The following FOXP2 variants were observed in gnomAD, a reference collection of about 807,000 sequenced individuals.
The protein encoded by FOXP2 is forkhead box protein P2.
FOXP2 carries 12 observed loss-of-function variants against 115.8 expected under a neutral mutation model. The observed-to-expected ratio is 0.10, with a 90% CI of 0.07 to 0.17. The LOEUF (loss-of-function observed/expected upper bound fraction) is 0.17. Ranked by LOEUF, FOXP2 falls within the 10% of genes least tolerant of loss-of-function variation. FOXP2 has a pLI of 1.00. For synonymous variants in FOXP2, 328 were observed against 297.7 expected, an observed-to-expected ratio of 1.10 and a Z score of -1.05; for missense variants, 629 against 843.5, an observed-to-expected ratio of 0.75 and a Z score of 3.15.
At chr7:114,500,350 T>G in intron 2 of FOXP2, among the ~76,000 whole-genome samples, 1 of 152,086 alleles carries the variant, frequency 6.6e-6, no homozygotes, top group East Asian at 1.9e-4. Context: ...AGGTGAGAAT[T>G]TATGTCACCT....
intron 2 of FOXP2, among the ~76,000 whole-genome samples, chr7:114,455,275 C>T (rs1562936740): frequency 6.6e-6 from 1 of 152,158 alleles, no homozygotes; most frequent in Non-Finnish European, 1.5e-5. Context: ...CTAATGAAGC[C>T]AACTGTTGGT....
chr7:114,291,792 A>G (rs2129176586), intron 2 of FOXP2, among the ~76,000 whole-genome samples: 1 of 148,484 alleles, frequency 6.7e-6, no homozygotes, highest in Admixed American at 7.0e-5. Context: ...TAAAGCCAGC[A>G]GGAGAGCTAG....
chr7:114,253,753 C>T (rs1795518464), intron 1 of FOXP2, among the ~76,000 whole-genome samples: 3 of 152,160 alleles, frequency 2.0e-5, no homozygotes, highest in Admixed American at 2.0e-4. Flanking sequence ...TCCAATTTGT[C>T]AGTCTGTGTA....
At chr7:114,137,236 T>C (rs1584500377) in intron 1 of FOXP2, among the ~76,000 whole-genome samples, 1 of 152,104 alleles carries the variant, frequency 6.6e-6, no homozygotes, top group African/African-American at 2.4e-5. Context: ...GAGAGAATAA[T>C]ATAGTTGAAG....
At position 114,642,547 on chromosome 7, in the gene FOXP2, T is replaced by C. The variant is rs1805592599; in HGVS notation, c.913T>C (p.Ser305Pro). ...CTCCTCGACTACCTCCTCCAACACT[T>C]CCAAAGCATCACCACCAATAACTCA... ...NSSSTTSSNT[S>P]KASPPITHHS... The change falls in exon 7 of 17, where the codon TCC becomes CCC. Residue 305 changes from serine (S) to proline (P), a missense_variant. Ser to Pro is a moderately conservative substitution (Grantham distance 74). Transcript: ENST00000350908. 6.2e-7 allele frequency: 1 copy of C among 1,613,578 alleles called. No homozygotes were observed. The highest frequency in any genetic ancestry group is 8.5e-7 in the Non-Finnish European group (1 of 1,179,942).
At chr7:114,446,560 C>A (rs1794842579) in intron 2 of FOXP2, among the ~76,000 whole-genome samples, 1 of 151,804 alleles carries the variant, frequency 6.6e-6, no homozygotes, top group African/African-American at 2.4e-5. Context: ...TATATATAAT[C>A]ATTCTTTATA....
At chr7:114,541,728 A>G (rs1018375673) in intron 3 of FOXP2, among the ~76,000 whole-genome samples, 4 of 151,432 alleles carry the variant, frequency 2.6e-5, no homozygotes, top group Non-Finnish European at 4.4e-5. Context: ...CATAAATTAA[A>G]TATGGAAGAA....
chr7:114,128,591 A>AT (rs1210680003), intron 1 of FOXP2, among the ~76,000 whole-genome samples: 1 of 152,030 alleles, frequency 6.6e-6, no homozygotes, highest in Non-Finnish European at 1.5e-5. Flanking sequence ...ATAACTCACT[A>AT]GTCTGGGATC....
intron 2 of FOXP2, among the ~76,000 whole-genome samples, chr7:114,372,340 T>C (rs1414330506): frequency 1.3e-5 from 2 of 152,116 alleles, no homozygotes; most frequent in Non-Finnish European, 2.9e-5. Flanking sequence ...TTTTCATAGA[T>C]AGGGTAACTA....
At position 114,295,121 on chromosome 7, in the gene FOXP2, C is replaced by A. The variant is rs1026532242; in HGVS notation, c.-11+7012C>A. Among the ~76,000 whole-genome samples the A allele has an allele frequency of 3.3e-5, 5 of 152,184 alleles. No individual in the cohort carries two copies. The East Asian group carries it at 9.6e-4, about 29-fold the overall frequency. On this transcript the variant is annotated intron_variant, in intron 2 of 17. Transcript: ENST00000634411. ...TATCCGCTAGTAAAATTTTTGATAT[C>A]ATTATACAAAATAGAAAATATGGAT...
intron 1 of FOXP2, among the ~76,000 whole-genome samples, chr7:114,225,720 T>C (rs1421269767): frequency 1.3e-5 from 2 of 152,204 alleles, no homozygotes; most frequent in Non-Finnish European, 2.9e-5. Context: ...CCCAAAGTGC[T>C]GGGATTTCAG....
At chr7:114,602,435 A>G (rs1452848546) in intron 3 of FOXP2, among the ~76,000 whole-genome samples, 2 of 152,094 alleles carry the variant, frequency 1.3e-5, no homozygotes, top group Non-Finnish European at 2.9e-5. Flanking sequence ...ATATATAGCT[A>G]TAAGTATCTT....
chr7:114,437,642 T>C (rs1012776794), intron 2 of FOXP2, among the ~76,000 whole-genome samples: 3 of 152,202 alleles, frequency 2.0e-5, no homozygotes, highest in Non-Finnish European at 4.4e-5. Flanking sequence ...GAATTATTAC[T>C]ATTTTTACTA....
chr7:114,639,238 CT>C (rs1466793727), intron 6 of FOXP2, among the ~76,000 whole-genome samples: 1 of 152,146 alleles, frequency 6.6e-6, no homozygotes, highest in East Asian at 1.9e-4. Context: ...AGACACTGGT[CT>C]TGTATTGTAG....
In FOXP2 at chr7:114,534,726, C is replaced by T. The variant is rs754652304; in HGVS notation, c.258+20C>T. Reference sequence around the variant, plus strand: ...CTGCAGGTTAGTAAAGCACTCCTGTCCTTGGGGTCTTATTTTAAAAGATGT... The same window carrying T: ...CTGCAGGTTAGTAAAGCACTCCTGTTCTTGGGGTCTTATTTTAAAAGATGT... On this transcript the variant is annotated intron_variant, in intron 3 of 16. Coordinates refer to ENST00000350908, the MANE Select transcript of FOXP2 (RefSeq NM_014491.4). 7 of 1,581,160 alleles carry T rather than the reference C, an allele frequency of 4.4e-6. No individual in the cohort carries two copies. Among genetic ancestry groups the T allele is most frequent in the Middle Eastern group, 3.3e-4 (2 of 5,976 alleles).
intron 2 of FOXP2, among the ~76,000 whole-genome samples, chr7:114,448,886 CT>C (rs1383219867): frequency 2.0e-5 from 3 of 152,002 alleles, no homozygotes; most frequent in Non-Finnish European, 2.9e-5. Flanking sequence ...ATTGTGTATG[CT>C]GTGAAAAAAC....
intron 3 of FOXP2, among the ~76,000 whole-genome samples, chr7:114,556,659 A>G (rs1482315521): frequency 6.6e-6 from 1 of 152,236 alleles, no homozygotes; most frequent in Non-Finnish European, 1.5e-5. Context: ...AAAAGTAATT[A>G]AAGGGTTTGC....
intron 2 of FOXP2, chr7:114,462,944 TACA>T (rs1161326463): frequency 6.6e-6 from 2 of 302,288 alleles, no homozygotes; most frequent in African/African-American, 4.6e-5. Flanking sequence ...TAGCAAATGA[TACA>T]AGAATCAATC....
At chr7:114,252,413 A>G (rs1236873306) in intron 1 of FOXP2, among the ~76,000 whole-genome samples, 1 of 152,080 alleles carries the variant, frequency 6.6e-6, no homozygotes, top group Non-Finnish European at 1.5e-5. Flanking sequence ...CTGTGAATCC[A>G]TCTGGTCCTG....
Sources: allele counts gnomAD v4.1 joint callset (sites outside exome capture counted in the v4.1 genomes callset), GRCh38; gene constraint gnomAD v4.1.1; transcripts MANE v1.5; gene names NCBI Gene and HGNC (gene_info 2026-07-23, HGNC 2026-07-21).